PLA2G4D: variants seen among roughly 807,000 people sequenced by gnomAD.
The protein encoded by PLA2G4D is cytosolic phospholipase A2 delta.
PLA2G4D carries 80 observed loss-of-function variants against 94.4 expected under a neutral mutation model. The ratio of observed to expected loss-of-function variants is 0.85; its 90% CI spans 0.71 to 1.02. PLA2G4D has a LOEUF of 1.02. Among genes scored for constraint, PLA2G4D ranks in the 50% least tolerant of loss-of-function variants. The pLI, the probability that PLA2G4D is intolerant of heterozygous loss-of-function variation, is 0.00. For missense variants in PLA2G4D, 1,050 were observed against 1,034.7 expected, an observed-to-expected ratio of 1.01 and a Z score of -0.20; for synonymous variants, 438 against 440.9, an observed-to-expected ratio of 0.99 and a Z score of 0.08.
rs1890300192 is a variant in PLA2G4D at position 42,094,396 on chromosome 15, G to T, written c.45+19C>A. The T allele has an allele frequency of 6.2e-7, 1 of 1,613,666 alleles. No homozygotes were observed. Among genetic ancestry groups the T allele is most frequent in the Admixed American group, 1.7e-5 (1 of 59,982 alleles). The stretch of plus-strand genomic sequence containing the variant: ...GGCCTGCCCTGACTGGTGCCCACAT[G>T]CTCTGCAGACACTGTTACCTGGTAA... On this transcript the variant is annotated intron_variant, in intron 1 of 19. Transcript: ENST00000290472.
chr15:42,070,622 C>G (rs962076981), intron 18 of PLA2G4D, 95 bp downstream of exon 18: 1 of 1,377,616 alleles, frequency 7.3e-7, no homozygotes, highest in African/African-American at 1.5e-5. Context: ...CTTCGGGACC[C>G]CGGCGGTGTG....
At chr15:42,072,439 G>T (rs55912424) in intron 13 of PLA2G4D, 47 bp from the exon 14 acceptor site, 127,961 of 1,504,864 alleles carry the variant, frequency 0.085, 5,920 homozygotes, top group Middle Eastern at 0.15. Flanking sequence ...GGAGTACCCT[G>T]GAGGCAGTGG....
At position 42,084,553 on chromosome 15, in the gene PLA2G4D, C is replaced by T. The variant is rs935363820; in HGVS notation, c.471+543G>A. ...CACTGTGATAATCGAGCGCGTCGCC[C>T]GCTCGCCACCTTGCGGCCATTTCTG... On this transcript the variant is annotated intron_variant, in intron 6 of 19. Transcript: ENST00000290472. The surrounding 1 kb of genome is among the most constrained non-coding windows in gnomAD (Gnocchi z 4.8). 1.3e-5 allele frequency among the ~76,000 whole-genome samples: 2 copies of T among 152,116 alleles called. No individual in the cohort carries two copies. Among genetic ancestry groups the T allele is most frequent in the Non-Finnish European group, 2.9e-5 (2 of 68,038 alleles).
At position 42,082,536 on chromosome 15, in the gene PLA2G4D, T is replaced by C. The variant is rs906308985; in HGVS notation, c.673-147A>G. Reference sequence around the variant, plus strand: ...AGTATCATAATTATAATTATAAAATTATAAGAGCTAATATTTATGTAGTAC... The same window carrying C: ...AGTATCATAATTATAATTATAAAATCATAAGAGCTAATATTTATGTAGTAC... On this transcript the variant is annotated intron_variant, in intron 8 of 19. Transcript: ENST00000290472. 9 of 488,712 alleles carry C rather than the reference T, an allele frequency of 1.8e-5. 1 individual carries two copies. In the South Asian group the frequency reaches 3.1e-4, roughly 17 times the overall value. The allele number at this position is 488,712 out of a possible 1,614,324, so 30.3% of individuals were successfully genotyped here.
At chr15:42,081,746 C>T in intron 10 of PLA2G4D, 51 bp downstream of exon 10, 1 of 1,613,948 alleles carries the variant, frequency 6.2e-7, no homozygotes, top group Non-Finnish European at 8.5e-7. Context: ...ATAGCCCTCC[C>T]CTCCTGCATG....
rs1420273979 is a variant in PLA2G4D at position 42,094,397 on chromosome 15, C to T, written c.45+18G>A. 1 of 1,613,936 alleles carries T rather than the reference C, an allele frequency of 6.2e-7. No homozygotes were observed. The highest frequency in any genetic ancestry group is 8.5e-7 in the Non-Finnish European group (1 of 1,179,900). On this transcript the variant is annotated intron_variant, in intron 1 of 19. Transcript: ENST00000290472. ...GCCTGCCCTGACTGGTGCCCACATG[C>T]TCTGCAGACACTGTTACCTGGTAAG... is the stretch of plus-strand genomic sequence containing the variant.
At chr15:42,081,651 T>C (rs1302295529) in intron 10 of PLA2G4D, 37 bp from the exon 11 acceptor site, 3 of 1,611,412 alleles carry the variant, frequency 1.9e-6, no homozygotes, top group Non-Finnish European at 8.5e-7. Context: ...AGGGGACACC[T>C]GCATAGCTCA....
chr15:42,087,555 G>A, intron 2 of PLA2G4D, 73 bp downstream of exon 2: 1 of 1,605,932 alleles, frequency 6.2e-7, no homozygotes, highest in Non-Finnish European at 8.5e-7. Context: ...CAGCCCCAGG[G>A]CACTCGTCTT....
intron 1 of PLA2G4D, among the ~76,000 whole-genome samples, chr15:42,093,861 G>C (rs1890290198): frequency 6.6e-6 from 1 of 152,230 alleles, no homozygotes; most frequent in African/African-American, 2.4e-5. Flanking sequence ...TGCTGGCCTT[G>C]GTCCCTGGCA....
rs1277566166 is a variant in PLA2G4D, at chr15:42,068,429, T to A, written c.*286A>T. The A allele has an allele frequency of 4.7e-6, 2 of 422,326 alleles. No homozygotes were observed. Among genetic ancestry groups the A allele is most frequent in the East Asian group, 9.1e-5 (2 of 21,908 alleles). The allele number at this position is 422,326 out of a possible 1,614,324, so 26.2% of individuals were successfully genotyped here. On this transcript the variant is annotated 3_prime_UTR_variant, in exon 20 of 20. Transcript: ENST00000290472. ...CTGCCTCCGGCTTGCACTTCAAATC[T>A]ATCCTGCTCAGGCATGGAAGTAATT...
chr15:42,090,580 T>C (rs7166789), intron 1 of PLA2G4D, among the ~76,000 whole-genome samples: 12,350 of 152,028 alleles, frequency 0.081, 593 homozygotes, highest in Middle Eastern at 0.14. Context: ...TGTGGTGGGG[T>C]AATGCAGGAG....
At chr15:42,086,494 C>G in intron 3 of PLA2G4D, 150 bp from the exon 4 acceptor site, 1 of 750,552 alleles carries the variant, frequency 1.3e-6, no homozygotes, top group Non-Finnish European at 2.1e-6. Context: ...AACTGTAAAA[C>G]TTAAATATAA....
At chr15:42,077,058 A>C (rs4924616) in intron 13 of PLA2G4D, among the ~76,000 whole-genome samples, 19,012 of 146,714 alleles carry the variant, frequency 0.13, 1,388 homozygotes, top group Middle Eastern at 0.2. Context: ...GCTGAACAGA[A>C]CAATAACAAG....
Position 42,087,399 on chromosome 15 carries a change from C to A in PLA2G4D, c.156G>T (p.Ser52=). ...EADPYVILQL[S]TAPGMKFKTK... ...TCTTAAACTTCATTCCAGGTGCGGT[C>A]GACAGCTGTAGGATCACGTAAGGGT... The change falls in exon 3 of 20, where the codon TCG becomes TCT. Residue 52 remains serine (S), a synonymous_variant. Transcript: ENST00000290472. The A allele has an allele frequency of 6.2e-7, 1 of 1,614,108 alleles. No individual in the cohort carries two copies. The highest frequency in any genetic ancestry group is 1.3e-5 in the African/African-American group (1 of 75,028).
chr15:42,074,646 T>C (rs916019406), intron 13 of PLA2G4D, among the ~76,000 whole-genome samples: 5 of 152,206 alleles, frequency 3.3e-5, no homozygotes, highest in African/African-American at 1.2e-4. Context: ...ATGATATTTA[T>C]TAATATTAAT....
chr15:42,083,846 C>G, intron 6 of PLA2G4D, 67 bp from the exon 7 acceptor site: 1 of 1,507,460 alleles, frequency 6.6e-7, no homozygotes. Flanking sequence ...AACCTCAACC[C>G]TCTGAGACCC....
chr15:42,079,440 T>C, intron 13 of PLA2G4D, 97 bp downstream of exon 13: 1 of 1,225,740 alleles, frequency 8.2e-7, no homozygotes, highest in Non-Finnish European at 1.1e-6. Flanking sequence ...TCTTCCACGC[T>C]GCAAGAAATA....
Position 42,085,148 on chromosome 15 carries a change from T to C in PLA2G4D, c.429-10A>G. On this transcript the variant is annotated splice_polypyrimidine_tract_variant and intron_variant, in intron 5 of 19. Transcript: ENST00000290472. ...TTCTGGGCGATCTGACCTGGAAAAA[T>C]CAAACCATGCAAAGGCAAACGCTTC... The C allele has an allele frequency of 6.2e-7, 1 of 1,614,068 alleles. No homozygotes were observed. Among genetic ancestry groups the C allele is most frequent in the Non-Finnish European group, 8.5e-7 (1 of 1,180,016 alleles).
intron 1 of PLA2G4D, among the ~76,000 whole-genome samples, chr15:42,091,018 C>T (rs1320578486): frequency 6.6e-6 from 1 of 152,188 alleles, no homozygotes; most frequent in African/African-American, 2.4e-5. Context: ...CTCACAATTG[C>T]CCTGGCGGCC....
Sources: gnomAD v4.1 joint callset for allele counts (sites outside exome capture counted in the v4.1 genomes callset) on GRCh38, gnomAD v4.1.1 for gene constraint, Gnocchi (gnomAD v3.1) non-coding constraint, MANE v1.5 for transcripts, NCBI Gene and HGNC (gene_info 2026-07-23, HGNC 2026-07-21) for gene names.